Variants in KANTR observed in about 807,000 individuals in gnomAD.
KANTR encodes KDM5C adjacent transcript.
chrX:53,111,515 T>C (rs1933040095), intron 2 of KANTR, among the ~76,000 whole-genome samples: 1 of 111,988 alleles, frequency 8.9e-6, no homozygotes, highest in South Asian at 3.7e-4. Flanking sequence ...TCTTAACCTT[T>C]ATACTACATG....
chrX:53,110,971 A>G (rs1289191456), intron 2 of KANTR, among the ~76,000 whole-genome samples: 1 of 109,376 alleles, frequency 9.1e-6, no homozygotes, highest in African/African-American at 3.3e-5. Flanking sequence ...GTTTTTTGGA[A>G]GAGTTTGAGA....
chrX:53,122,070 C>T (rs782609552), intron 2 of KANTR, among the ~76,000 whole-genome samples: 9 of 112,423 alleles, frequency 8.0e-5, no homozygotes, highest in Non-Finnish European at 1.3e-4. Context: ...TATTCAGTCA[C>T]TTATATCAGT....
At chrX:53,134,128 G>A (rs937473099) in intron 2 of KANTR, among the ~76,000 whole-genome samples, 2 of 111,669 alleles carry the variant, frequency 1.8e-5, no homozygotes, top group South Asian at 3.8e-4. Context: ...TTGGGAGGCC[G>A]AGGTGAGTGG....
chrX:53,141,848 G>A (rs1297161970), exon 3 of KANTR: 3 of 283,206 alleles, frequency 1.1e-5, no homozygotes, highest in African/African-American at 2.9e-5. Context: ...ATATTTACAG[G>A]TGTAAATCCA....
At chrX:53,128,957 TATC>T (rs1933324081), downstream of KANTR, among the ~76,000 whole-genome samples, 1 of 111,185 alleles carries the variant, frequency 9.0e-6, no homozygotes, top group South Asian at 3.7e-4. Flanking sequence ...ACACTAACAA[TATC>T]ATTTTATGCA....
intron 2 of KANTR, among the ~76,000 whole-genome samples, chrX:53,101,592 A>C (rs1932893844): frequency 8.9e-6 from 1 of 112,279 alleles, no homozygotes; most frequent in Non-Finnish European, 1.9e-5. Context: ...GAGACAGAGG[A>C]ATAGCCAGTC....
At chrX:53,120,039 A>G (rs782596127) in intron 2 of KANTR, among the ~76,000 whole-genome samples, 9 of 99,207 alleles carry the variant, frequency 9.1e-5, no homozygotes, top group African/African-American at 3.0e-4. Context: ...ATTTTATTGT[A>G]TTAATTTAGT....
At chrX:53,096,994 A>G (rs1371692593) in intron 1 of KANTR, among the ~76,000 whole-genome samples, 1 of 109,828 alleles carries the variant, frequency 9.1e-6, no homozygotes, top group African/African-American at 3.3e-5. Context: ...CCAGGCCCAC[A>G]TGGTGGCACA....
chrX:53,095,979 G>A (rs1051507649), intron 1 of KANTR, among the ~76,000 whole-genome samples: 2 of 110,538 alleles, frequency 1.8e-5, no homozygotes, highest in Non-Finnish European at 3.8e-5. Flanking sequence ...GCACACTTCC[G>A]CCTCAGGGGT....
chrX:53,115,040 T>C (rs1556814363), intron 2 of KANTR, among the ~76,000 whole-genome samples: 1 of 111,416 alleles, frequency 9.0e-6, no homozygotes, highest in African/African-American at 3.3e-5. Context: ...TGTTGGAGCA[T>C]GGGGCTGCAG....
At chrX:53,144,944 T>C (rs782710072), downstream of KANTR, among the ~76,000 whole-genome samples, 4 of 111,773 alleles carry the variant, frequency 3.6e-5, no homozygotes, top group South Asian at 1.5e-3. Flanking sequence ...TCAAGTACTT[T>C]TAATCCATAT....
At chrX:53,094,991 T>C (rs2146709057) in intron 1 of KANTR, 1 of 112,195 alleles carries the variant, frequency 8.9e-6, no homozygotes, top group South Asian at 3.7e-4. Flanking sequence ...CTAAAGAGGT[T>C]AGAGGTGCAT....
rs191039109 is a variant in KANTR, at chrX:53,138,885, T to C, written n.204-2963T>C. ...AAAACTGGCTCATGACAGAGAACAA[T>C]AAAACTGGATCCCTTCCTCATGACA... is the stretch of plus-strand genomic sequence containing the variant. On this transcript the variant is annotated intron_variant and non_coding_transcript_variant, in intron 2 of 2. Transcript: ENST00000366185. Among the ~76,000 whole-genome samples the C allele has an allele frequency of 1.2e-4, 13 of 109,872 alleles. No homozygotes were observed. The East Asian group carries it at 3.7e-3, about 32-fold the overall frequency.
At chrX:53,138,129 C>T (rs1053126814) in intron 2 of KANTR, among the ~76,000 whole-genome samples, 5 of 109,523 alleles carry the variant, frequency 4.6e-5, no homozygotes, top group Non-Finnish European at 7.6e-5. Context: ...AGTTCAACAG[C>T]GTGATCTCGG....
rs201110686 is a variant in KANTR, at chrX:53,105,656, ATT to A, written c.-805+6064_-805+6065del. Among the ~76,000 whole-genome samples the A allele has an allele frequency of 1.4e-3, 112 of 82,784 alleles. 1 individual carries two copies. Among genetic ancestry groups the A allele is most frequent in the Middle Eastern group, 0.012 (2 of 169 alleles). The allele number at this position is 82,784 out of a possible 115,157, so 71.9% of individuals were successfully genotyped here. On this transcript the variant is annotated intron_variant, in intron 2 of 2. Transcript: ENST00000604062. Reference sequence around the variant, plus strand: ...AGGCACACAACGACACACCTGGTTAATTTTTTTTTTTTTTTTTGTATTTTAGT... The same window carrying A: ...AGGCACACAACGACACACCTGGTTAATTTTTTTTTTTTTTTGTATTTTAGT...
intron 2 of KANTR, among the ~76,000 whole-genome samples, chrX:53,119,942 C>T (rs957966319): frequency 4.5e-5 from 5 of 111,205 alleles, no homozygotes; most frequent in Admixed American, 9.6e-5. Context: ...TGTTCTCGAA[C>T]GCCTGCGCTC....
At chrX:53,140,500 C>CAAACAA (rs1933487678) in intron 2 of KANTR, among the ~76,000 whole-genome samples, 1 of 42,477 alleles carries the variant, frequency 2.4e-5, no homozygotes, top group East Asian at 7.9e-4. Flanking sequence ...GACTCTGTCT[C>CAAACAA]AAAAAAAAAA....
At chrX:53,122,467 C>A (rs1257766139) in intron 2 of KANTR, among the ~76,000 whole-genome samples, 1 of 111,346 alleles carries the variant, frequency 9.0e-6, no homozygotes, top group Non-Finnish European at 1.9e-5. Context: ...ATGACCAGGA[C>A]ATCTAGTACA....
Position 53,135,462 on chromosome X carries a change from C to T in KANTR, n.204-6386C>T, listed in dbSNP as rs782680994. Among the ~76,000 whole-genome samples, 6 of 112,025 alleles carry T rather than the reference C, an allele frequency of 5.4e-5. No homozygotes were observed. In the South Asian group the frequency reaches 1.9e-3, roughly 35 times the overall value. ...CTCAACACTGAGGTCACGAATTCTG[C>T]CTTGTCTCTGCACTCAGGTTGCCTT... On this transcript the variant is annotated intron_variant and non_coding_transcript_variant, in intron 2 of 2. Coordinates refer to the KANTR transcript ENST00000366185.
Sources: allele counts gnomAD v4.1 joint callset (sites outside exome capture counted in the v4.1 genomes callset), GRCh38; gene constraint gnomAD v4.1.1; transcripts MANE v1.5; gene names NCBI Gene and HGNC (gene_info 2026-07-23, HGNC 2026-07-21).